The following CENPM variants were observed in gnomAD, a reference collection of about 807,000 sequenced individuals.
CENPM encodes interphase centromere complex protein 39.
A neutral mutation model predicts 19.6 loss-of-function variants in CENPM; 14 were observed. The observed-to-expected ratio is 0.71, with a 90% CI of 0.47 to 1.11. The LOEUF (loss-of-function observed/expected upper bound fraction) is 1.11. Ranked by LOEUF, CENPM falls within the 50% of genes most tolerant of loss-of-function variation. The pLI is 0.00. For synonymous variants in CENPM, 114 were observed against 101.5 expected (o/e 1.12, Z -0.74); for missense variants, 239 against 228.4 (o/e 1.05, Z -0.30).
chr22:41,933,179 G>T, the CENPM span, among the ~76,000 whole-genome samples: 5 of 152,288 alleles, frequency 3.3e-5, no homozygotes, highest in African/African-American at 9.6e-5. Flanking sequence ...TGTGCGCAAA[G>T]CATCTCCCTA....
In CENPM at chr22:41,946,110, C is replaced by G. The variant is rs555804691; in HGVS notation, c.138-105G>C. On this transcript the variant is annotated intron_variant, in intron 2 of 5. Coordinates refer to ENST00000215980, the MANE Select transcript of CENPM (RefSeq NM_024053.5). ...AAAGAGGCCGTCAAGGGCTCCCCACCTCATCCTAGCCACCCGAGGCTCTTG... is the reference window on the plus strand; with the variant it reads ...AAAGAGGCCGTCAAGGGCTCCCCACGTCATCCTAGCCACCCGAGGCTCTTG... 3.1e-5 allele frequency: 31 copies of G among 985,202 alleles called. No homozygotes were observed. The African/African-American group carries it at 5.0e-4, about 16-fold the overall frequency. 61.0% of individuals were successfully genotyped at this position (985,202 alleles called of 1,614,324 possible).
chr22:41,938,267 G>C (rs928712576), downstream of CENPM, among the ~76,000 whole-genome samples: 2 of 149,302 alleles, frequency 1.3e-5, no homozygotes, highest in African/African-American at 5.0e-5. Context: ...TCAGCCTCCC[G>C]AGTAGTTGAG....
At chr22:41,933,375 G>A in the CENPM span, among the ~76,000 whole-genome samples, 1 of 151,922 alleles carries the variant, frequency 6.6e-6, no homozygotes, top group Non-Finnish European at 1.5e-5. Flanking sequence ...GGGTGGGGGT[G>A]AGGCCCAGGG....
intron 3 of CENPM, 21 bp from the exon 4 acceptor site, chr22:41,945,325 T>C: frequency 6.2e-7 from 1 of 1,613,500 alleles, no homozygotes; most frequent in Non-Finnish European, 8.5e-7. Flanking sequence ...CAGGCCAGGG[T>C]GAGAAAACAA....
chr22:41,942,798 G>A lies in CENPM; in HGVS notation c.402+812C>T, dbSNP rs946394261. On this transcript the variant is annotated intron_variant, in intron 5 of 5. Transcript: ENST00000215980. ...AATAAATAAATACTTAGCTAGGTGC[G>A]GTGGTGCATGCTTGTAGTCCTAGTT... 5.3e-5 allele frequency among the ~76,000 whole-genome samples: 8 copies of A among 151,624 alleles called. No individual in the cohort carries two copies. In the South Asian group the frequency reaches 6.3e-4, roughly 12 times the overall value.
intron 5 of CENPM, among the ~76,000 whole-genome samples, chr22:41,941,295 TGAA>T (rs767144284): frequency 2.0e-5 from 3 of 152,200 alleles, no homozygotes; most frequent in Non-Finnish European, 2.9e-5. Flanking sequence ...AACACCAGCA[TGAA>T]GAAGGAGGCC....
chr22:41,931,326 A>T, the CENPM span, among the ~76,000 whole-genome samples: 1 of 151,606 alleles, frequency 6.6e-6, no homozygotes, highest in East Asian at 2.0e-4. Flanking sequence ...AAAAAAAAAA[A>T]AAATTAGCCG....
chr22:41,946,540 A>AC, intron 1 of CENPM, 44 bp from the exon 2 acceptor site: 2 of 1,549,862 alleles, frequency 1.3e-6, no homozygotes, highest in South Asian at 2.3e-5. Context: ...TAGGCACAGC[A>AC]CCCCCTGGGG....
the CENPM span, among the ~76,000 whole-genome samples, chr22:41,930,092 C>T: frequency 6.8e-5 from 10 of 147,118 alleles, no homozygotes; most frequent in Non-Finnish European, 1.3e-4. Flanking sequence ...TACAGGCGCC[C>T]GCCACCATGC....
intron 5 of CENPM, among the ~76,000 whole-genome samples, chr22:41,940,668 C>G (rs534988673): frequency 8.5e-5 from 13 of 152,148 alleles, no homozygotes; most frequent in Admixed American, 8.5e-4. Context: ...TGTGAGCTAC[C>G]GTGCCCAGCA....
rs781586621 is a variant in CENPM at position 41,943,693 on chromosome 22, C to G, written c.319G>C (p.Glu107Gln). Residue 107 changes from glutamate (E) to glutamine (Q), a missense_variant, in exon 5 of 6, where the codon GAG (glutamate) becomes CAG (glutamine). Glu to Gln is a conservative substitution (Grantham distance 29). Coordinates refer to ENST00000215980, the MANE Select transcript of CENPM (RefSeq NM_024053.5). ...TGCCGGTGAATGCTGCAGTGGCTCT[C>G]CCGCCCAGCTGGAAAGAAGCCATGA... ...VCFLATGAGRESHCSIHRHTV... is the reference protein window; with the variant it reads ...VCFLATGAGRQSHCSIHRHTV... The G allele has an allele frequency of 6.2e-7, 1 of 1,613,212 alleles. No homozygotes were observed. The highest frequency in any genetic ancestry group is 8.5e-7 in the Non-Finnish European group (1 of 1,179,712).
chr22:41,941,987 C>T (rs907976986), intron 5 of CENPM, among the ~76,000 whole-genome samples: 3 of 152,166 alleles, frequency 2.0e-5, no homozygotes, highest in African/African-American at 7.2e-5. Context: ...TGCCCTTAGA[C>T]CAGAGGAGTG....
chr22:41,943,502 C>A, intron 5 of CENPM, 108 bp downstream of exon 5: 1 of 936,234 alleles, frequency 1.1e-6, no homozygotes. Context: ...AGCTGCCTCG[C>A]TCGGATACTA....
downstream of CENPM, among the ~76,000 whole-genome samples, chr22:41,935,405 G>A (rs10154646): frequency 2.0e-5 from 3 of 151,690 alleles, no homozygotes; most frequent in South Asian, 2.1e-4. Flanking sequence ...CATCAGCCCC[G>A]CCAAAGACCT....
chr22:41,939,567 G>C (rs2077706921), intron 5 of CENPM, among the ~76,000 whole-genome samples: 1 of 151,970 alleles, frequency 6.6e-6, no homozygotes, highest in African/African-American at 2.4e-5. Flanking sequence ...TCGGGCCCCA[G>C]ATGCTCAAGA....
chr22:41,932,045 T>C, the CENPM span, among the ~76,000 whole-genome samples: 365 of 152,334 alleles, frequency 2.4e-3, 7 homozygotes, highest in East Asian at 0.066. The surrounding 1 kb of genome is among the most constrained non-coding windows in gnomAD (Gnocchi z 4.3). Context: ...CACTGCCTGG[T>C]TCTGTGCCTT....
chr22:41,946,946 C>T, intron 1 of CENPM, 74 bp downstream of exon 1: 2 of 1,479,100 alleles, frequency 1.4e-6, no homozygotes, highest in Non-Finnish European at 1.9e-6. Context: ...CCTCAGAGAG[C>T]TCAGTTGACC....
chr22:41,933,687 G>A, the CENPM span, among the ~76,000 whole-genome samples: 1 of 152,302 alleles, frequency 6.6e-6, no homozygotes, highest in East Asian at 1.9e-4. Flanking sequence ...GCCCCCAAGT[G>A]TGAGACATTC....
intron 5 of CENPM, among the ~76,000 whole-genome samples, chr22:41,939,719 C>T (rs184718866): frequency 7.5e-4 from 101 of 135,100 alleles, no homozygotes; most frequent in Non-Finnish European, 3.3e-4. Context: ...TAGGCCCGGG[C>T]ACAGATGTTC....
Sources: allele counts gnomAD v4.1 joint callset (sites outside exome capture counted in the v4.1 genomes callset), GRCh38; gene constraint gnomAD v4.1.1; non-coding constraint Gnocchi (gnomAD v3.1); transcripts MANE v1.5; gene names NCBI Gene and HGNC (gene_info 2026-07-23, HGNC 2026-07-21).